FOXP2: variants seen among roughly 807,000 people sequenced by gnomAD.
FOXP2 encodes the protein forkhead box P2.
FOXP2 carries 12 observed loss-of-function variants against 115.8 expected under a neutral mutation model. That is an observed-to-expected ratio of 0.10 (90% CI 0.07 to 0.17). The LOEUF is 0.17. Ranked by LOEUF, FOXP2 falls within the 10% of genes least tolerant of loss-of-function variation. The probability of loss-of-function intolerance (pLI) is 1.00; values close to 1 mark genes in which losing one functional copy is unlikely to be tolerated. For missense variants in FOXP2, 629 were observed against 843.5 expected (o/e 0.75, Z 3.15); for synonymous variants, 328 against 297.7 (o/e 1.10, Z -1.05).
At chr7:114,399,121 T>TC (rs1792814022) in intron 2 of FOXP2, among the ~76,000 whole-genome samples, 1 of 151,290 alleles carries the variant, frequency 6.6e-6, no homozygotes, top group African/African-American at 2.4e-5. Flanking sequence ...TTTCTTTTTT[T>TC]TTTTTTTGAG....
upstream of FOXP2, among the ~76,000 whole-genome samples, chr7:114,087,243 G>A (rs1034324278): frequency 6.6e-6 from 1 of 152,104 alleles, no homozygotes; most frequent in Non-Finnish European, 1.5e-5. Flanking sequence ...GATGGAAAGG[G>A]GACACTCCTG....
intron 3 of FOXP2, among the ~76,000 whole-genome samples, chr7:114,570,432 A>G (rs186176766): frequency 4.1e-4 from 63 of 152,034 alleles, no homozygotes; most frequent in African/African-American, 1.4e-3. Flanking sequence ...ATTGATGATT[A>G]CATTTTAAGA....
intron 7 of FOXP2, among the ~76,000 whole-genome samples, chr7:114,643,577 T>C (rs1227914971): frequency 6.6e-6 from 1 of 152,210 alleles, no homozygotes; most frequent in Non-Finnish European, 1.5e-5. Flanking sequence ...TTTGATAATT[T>C]TTAACTACTG....
At chr7:114,512,525 A>G (rs1798126074) in intron 2 of FOXP2, among the ~76,000 whole-genome samples, 1 of 152,190 alleles carries the variant, frequency 6.6e-6, no homozygotes, top group African/African-American at 2.4e-5. Flanking sequence ...ATGGAAGCAC[A>G]TGGAGCAGTT....
chr7:114,633,674 A>G lies in FOXP2; in HGVS notation c.775+1969A>G, dbSNP rs73440406. 6.6e-3 allele frequency among the ~76,000 whole-genome samples: 1,002 copies of G among 152,254 alleles called. 9 individuals carry two copies. Among genetic ancestry groups the G allele is most frequent in the African/African-American group, 0.023 (957 of 41,542 alleles). ...TTTACGATTTAGATGATTAAGTGTG[A>G]AAAATATCATTGTGGAGGCTCATTG... On this transcript the variant is annotated intron_variant, in intron 6 of 16. Transcript: ENST00000350908.
intron 2 of FOXP2, among the ~76,000 whole-genome samples, chr7:114,407,377 T>C (rs902323578): frequency 6.6e-6 from 1 of 152,070 alleles, no homozygotes; most frequent in South Asian, 2.1e-4. Flanking sequence ...GCATTTCCTA[T>C]ACTGAAATGT....
intron 1 of FOXP2, among the ~76,000 whole-genome samples, chr7:114,105,646 A>G (rs7795683): frequency 0.25 from 38,287 of 151,838 alleles, 7,364 homozygotes; most frequent in African/African-American, 0.52. Flanking sequence ...GTTTCCCTTG[A>G]GAAATGGGTC....
chr7:114,673,126 A>G (rs1807583171), intron 16 of FOXP2, among the ~76,000 whole-genome samples: 1 of 152,248 alleles, frequency 6.6e-6, no homozygotes, highest in Non-Finnish European at 1.5e-5. Context: ...AATGATTCAA[A>G]GGAGAATTGG....
chr7:114,418,520 C>G (rs1005260130), intron 1 of FOXP2, among the ~76,000 whole-genome samples: 1 of 151,674 alleles, frequency 6.6e-6, no homozygotes, highest in Non-Finnish European at 1.5e-5. Flanking sequence ...AGTTCTTTTT[C>G]TCAGACATTT....
At chr7:114,430,437 A>G (rs1400482708) in intron 2 of FOXP2, among the ~76,000 whole-genome samples, 1 of 151,810 alleles carries the variant, frequency 6.6e-6, no homozygotes, top group South Asian at 2.1e-4. Context: ...TAAATTATTA[A>G]ACTGTCACAT....
chr7:114,251,456 G>A (rs1001949883), intron 1 of FOXP2, among the ~76,000 whole-genome samples: 3 of 152,018 alleles, frequency 2.0e-5, no homozygotes, highest in East Asian at 3.9e-4. Context: ...ATTTGTTTGT[G>A]TCCTCTTTTA....
intron 1 of FOXP2, among the ~76,000 whole-genome samples, chr7:114,135,880 A>T (rs1302381230): frequency 6.6e-6 from 1 of 152,134 alleles, no homozygotes; most frequent in Non-Finnish European, 1.5e-5. Context: ...GAAGGAGATA[A>T]TTCTGATAAT....
chr7:114,132,542 TGTG>T (rs1182071492), intron 1 of FOXP2, among the ~76,000 whole-genome samples: 4 of 72,180 alleles, frequency 5.5e-5, no homozygotes, highest in Admixed American at 1.6e-4. Flanking sequence ...AAAGATAAAT[TGTG>T]TGTGTGTGTG....
intron 2 of FOXP2, among the ~76,000 whole-genome samples, chr7:114,390,529 T>TGTATTTATTTATTTAC (rs1792568522): frequency 6.6e-6 from 1 of 151,344 alleles, no homozygotes. Flanking sequence ...TATGTATTTA[T>TGTATTTATTTATTTAC]TTATTTATTT....
chr7:114,129,360 T>A (rs535117177), intron 1 of FOXP2, among the ~76,000 whole-genome samples: 1 of 152,282 alleles, frequency 6.6e-6, no homozygotes, highest in East Asian at 1.9e-4. Context: ...ACAATTTGTA[T>A]CAACTTGTTT....
chr7:114,534,487 C>A, intron 2 of FOXP2, 130 bp from the exon 3 acceptor site: 1 of 802,084 alleles, frequency 1.2e-6, no homozygotes, highest in Non-Finnish European at 2.1e-6. Context: ...AGAAGATAAA[C>A]AACAATGATT....
intron 2 of FOXP2, among the ~76,000 whole-genome samples, chr7:114,368,579 G>A (rs192772487): frequency 2.6e-3 from 403 of 152,272 alleles, no homozygotes; most frequent in Admixed American, 4.6e-3. Context: ...AAATACCTCT[G>A]CCATTTTTGA....
intron 2 of FOXP2, among the ~76,000 whole-genome samples, chr7:114,487,055 C>T (rs770687815): frequency 4.1e-4 from 62 of 152,148 alleles, no homozygotes; most frequent in Non-Finnish European, 2.2e-4. Flanking sequence ...TGTGAGGGCT[C>T]CCACCCCACC....
At chr7:114,179,398 C>T (rs1011168397) in intron 1 of FOXP2, among the ~76,000 whole-genome samples, 1 of 151,866 alleles carries the variant, frequency 6.6e-6, no homozygotes, top group Non-Finnish European at 1.5e-5. Context: ...TTTTAAGAAT[C>T]AGTGTCATAA....
Sources: gnomAD v4.1 joint callset for allele counts (sites outside exome capture counted in the v4.1 genomes callset) on GRCh38, gnomAD v4.1.1 for gene constraint, MANE v1.5 for transcripts, NCBI Gene and HGNC (gene_info 2026-07-23, HGNC 2026-07-21) for gene names.